Variants in SLC25A46 observed in about 807,000 individuals in gnomAD.
SLC25A46 encodes the protein solute carrier family 25 member 46, also known as mitochondrial outer membrane protein SLC25A46.
Under a neutral mutation model 44.6 loss-of-function variants are expected in SLC25A46, and 39 were observed. The ratio of observed to expected loss-of-function variants is 0.87; its 90% CI spans 0.68 to 1.14. The LOEUF is 1.14. Ranked by LOEUF, SLC25A46 falls within the 50% of genes most tolerant of loss-of-function variation. The probability of loss-of-function intolerance (pLI) is 0.00; values close to 1 mark genes in which losing one functional copy is unlikely to be tolerated. For synonymous variants in SLC25A46, 202 were observed against 185.8 expected, an observed-to-expected ratio of 1.09 and a Z score of -0.71; for missense variants, 547 against 522.7, an observed-to-expected ratio of 1.05 and a Z score of -0.45.
At chr5:110,759,754 C>G (rs1450750458) in intron 7 of SLC25A46, among the ~76,000 whole-genome samples, 1 of 152,046 alleles carries the variant, frequency 6.6e-6, no homozygotes, top group Admixed American at 6.6e-5. Flanking sequence ...ATCTGACTTA[C>G]ATCTTTATTA....
chr5:110,739,083 G>C lies in SLC25A46; in HGVS notation c.-37G>C, dbSNP rs531287378. On this transcript the variant is annotated 5_prime_UTR_variant, in exon 1 of 8. Transcript: ENST00000355943. ...GTCGTGGTGGCCCCGGTGGTGGTGGGCTCCGGGCGGGCTCGCGTCATCCTG... is the reference window on the plus strand; with the variant it reads ...GTCGTGGTGGCCCCGGTGGTGGTGGCCTCCGGGCGGGCTCGCGTCATCCTG... The C allele has an allele frequency of 6.5e-7, 1 of 1,536,550 alleles. No homozygotes were observed. The highest frequency in any genetic ancestry group is 1.4e-5 in the African/African-American group (1 of 72,728).
At chr5:110,755,760 A>G (rs542107541) in intron 6 of SLC25A46, among the ~76,000 whole-genome samples, 15 of 152,258 alleles carry the variant, frequency 9.9e-5, no homozygotes, top group Admixed American at 9.8e-4. Flanking sequence ...AATTTTGTGT[A>G]TGTTTTCTTA....
chr5:110,739,530 C>A, intron 1 of SLC25A46, 128 bp downstream of exon 1: 1 of 1,274,524 alleles, frequency 7.8e-7, no homozygotes, highest in Non-Finnish European at 1.0e-6. Flanking sequence ...GCGCCACACC[C>A]TTTGCCCTCC....
Position 110,763,904 on chromosome 5 carries a change from A to G in SLC25A46, c.*2122A>G, listed in dbSNP as rs1467900923. The G allele has an allele frequency of 6.6e-6, 1 of 151,818 alleles. No individual in the cohort carries two copies. The highest frequency in any genetic ancestry group is 1.5e-5 in the Non-Finnish European group (1 of 67,848). 9.4% of individuals were successfully genotyped at this position (151,818 alleles called of 1,614,324 possible). On this transcript the variant is annotated 3_prime_UTR_variant, in exon 8 of 8. Coordinates refer to ENST00000355943, the MANE Select transcript of SLC25A46 (RefSeq NM_138773.4). ...CAAATTAGTTGAAACAAAATCTTGA[A>G]CGGTCACGCACTTAAATTTAAGCTA...
At chr5:110,744,303 C>T (rs1799762843) in intron 3 of SLC25A46, among the ~76,000 whole-genome samples, 1 of 151,988 alleles carries the variant, frequency 6.6e-6, no homozygotes, top group South Asian at 2.1e-4. Context: ...GCAATTGCAC[C>T]AAAACTCACT....
At chr5:110,739,448 C>G in intron 1 of SLC25A46, 46 bp downstream of exon 1, 1 of 1,499,172 alleles carries the variant, frequency 6.7e-7, no homozygotes, top group South Asian at 1.3e-5. Context: ...TTACTGGGGC[C>G]GCGGCTTGCG....
intron 5 of SLC25A46, among the ~76,000 whole-genome samples, chr5:110,749,291 G>A (rs1226099252): frequency 6.6e-6 from 1 of 151,532 alleles, no homozygotes; most frequent in African/African-American, 2.4e-5. Context: ...TTGAGGGAGA[G>A]GGACATGTCT....
intron 5 of SLC25A46, among the ~76,000 whole-genome samples, chr5:110,748,553 A>G (rs558564030): frequency 9.1e-4 from 139 of 152,246 alleles, no homozygotes; most frequent in Non-Finnish European, 1.6e-3. Context: ...AAAGAATAAA[A>G]TTAATTATAT....
At chr5:110,754,105 A>T (rs1323155728) in intron 5 of SLC25A46, 1 of 152,066 alleles carries the variant, frequency 6.6e-6, no homozygotes, top group Non-Finnish European at 1.5e-5. Flanking sequence ...AAGGTGCTCT[A>T]AGGTCTTAGA....
rs1800246744 is a variant in SLC25A46, at chr5:110,761,404, G to C, written c.879G>C (p.Lys293Asn). ...TTGTCCTACTAATTCTAAAGAGAAA[G>C]ACTTACAATAGCCACCTAGCTGAGA... ...QKFVLLILKR[K>N]TYNSHLAEST... Residue 293 changes from lysine (K) to asparagine (N), a missense_variant, in exon 8 of 8, where the codon AAG becomes AAC. By Grantham distance (94) the Lys-to-Asn change is moderately conservative. Transcript: ENST00000355943. The surrounding 1 kb of genome is among the most constrained non-coding windows in gnomAD (Gnocchi z 5.3). The C allele has an allele frequency of 2.5e-6, 4 of 1,613,714 alleles. No individual in the cohort carries two copies. The Middle Eastern group carries it at 5.0e-4, about 200-fold the overall frequency.
At chr5:110,748,037 C>T in intron 4 of SLC25A46, 126 bp from the exon 5 acceptor site, 2 of 614,202 alleles carry the variant, frequency 3.3e-6, no homozygotes, top group East Asian at 2.8e-5. Context: ...TTGTAGTTCT[C>T]TACTAATATT....
chr5:110,754,008 A>C (rs1450922342), intron 5 of SLC25A46: 1 of 142,776 alleles, frequency 7.0e-6, no homozygotes, highest in African/African-American at 3.1e-5. Context: ...TTTTCGACTT[A>C]ATCATTGAAT....
At chr5:110,744,236 G>C (rs1025953265) in intron 3 of SLC25A46, among the ~76,000 whole-genome samples, 1 of 152,170 alleles carries the variant, frequency 6.6e-6, no homozygotes, top group South Asian at 2.1e-4. Flanking sequence ...CACATGTATA[G>C]TTGAAAGCAG....
intron 5 of SLC25A46, chr5:110,754,737 A>T (rs930600904): frequency 2.0e-5 from 3 of 151,932 alleles, no homozygotes; most frequent in African/African-American, 7.3e-5. Flanking sequence ...TGCTTATCTC[A>T]CAAGGTTCTT....
At position 110,746,164 on chromosome 5, in the gene SLC25A46, A is replaced by C. The variant is rs866577138; in HGVS notation, c.385-105A>C. 1.6e-4 allele frequency: 141 copies of C among 902,294 alleles called. No individual in the cohort carries two copies. In the Middle Eastern group the frequency reaches 3.5e-3, roughly 22 times the overall value. The allele number at this position is 902,294 out of a possible 1,614,324, so 55.9% of individuals were successfully genotyped here. Reference sequence around the variant, plus strand: ...TATGTGTAATTTATGTTGACTTTGGAATTAACTTTTGTTTATACTGCAATT... The same window carrying C: ...TATGTGTAATTTATGTTGACTTTGGCATTAACTTTTGTTTATACTGCAATT... On this transcript the variant is annotated intron_variant, in intron 3 of 7. Transcript: ENST00000355943.
At chr5:110,759,585 T>G (rs1469833418) in intron 7 of SLC25A46, among the ~76,000 whole-genome samples, 1 of 111,596 alleles carries the variant, frequency 9.0e-6, no homozygotes, top group Non-Finnish European at 1.9e-5. Flanking sequence ...GAAGCTGTTA[T>G]GGTTGGTGCT....
Position 110,761,197 on chromosome 5 carries a change from AT to A in SLC25A46, c.679-4del, listed in dbSNP as rs1561609538. The A allele has an allele frequency of 6.4e-7, 1 of 1,573,562 alleles. No individual in the cohort carries two copies. ...AAGTTTTACTTATTTCATCATTTTT[AT>A]TTCAGAGTGAGATAATTCGAGATAA... On this transcript the variant is annotated splice_polypyrimidine_tract_variant and splice_region_variant and intron_variant, in intron 7 of 7. Coordinates refer to ENST00000355943, the MANE Select transcript of SLC25A46 (RefSeq NM_138773.4). The surrounding 1 kb of genome is among the most constrained non-coding windows in gnomAD (Gnocchi z 5.3).
In SLC25A46 at chr5:110,748,146, A is replaced by C. The variant is rs1014278847; in HGVS notation, c.463-17A>C. ...TGTAGGTATTAACAGAAATAACATG[A>C]ATTTTGTTCAATTTAGGGACCTAGA... On this transcript the variant is annotated splice_polypyrimidine_tract_variant and intron_variant, in intron 4 of 7. Transcript: ENST00000355943. 2 of 1,579,338 alleles carry C rather than the reference A, an allele frequency of 1.3e-6. No individual in the cohort carries two copies. Among genetic ancestry groups the C allele is most frequent in the African/African-American group, 1.3e-5 (1 of 74,254 alleles).
chr5:110,746,015 C>T (rs1297151907), intron 3 of SLC25A46: 2 of 266,558 alleles, frequency 7.5e-6, no homozygotes, highest in Non-Finnish European at 7.0e-6. Context: ...CAAATAAGAC[C>T]CTCTTTATTA....
Sources: gnomAD v4.1 joint callset for allele counts (sites outside exome capture counted in the v4.1 genomes callset) on GRCh38, gnomAD v4.1.1 for gene constraint, Gnocchi (gnomAD v3.1) non-coding constraint, MANE v1.5 for transcripts, NCBI Gene and HGNC (gene_info 2026-07-23, HGNC 2026-07-21) for gene names.